The following PLCB4 variants were observed in gnomAD, a reference collection of about 807,000 sequenced individuals.
The protein encoded by PLCB4 is phospholipase C beta 4, also known as 1-phosphatidylinositol 4,5-bisphosphate phosphodiesterase beta-4.
A neutral mutation model predicts 178.8 loss-of-function variants in PLCB4; 77 were observed. The ratio of observed to expected loss-of-function variants is 0.43; its 90% CI spans 0.36 to 0.52. The LOEUF (loss-of-function observed/expected upper bound fraction) is 0.52. PLCB4 is among the 20% of genes least tolerant of loss of function. The probability of loss-of-function intolerance (pLI) is 0.00; values close to 1 mark genes in which losing one functional copy is unlikely to be tolerated. For synonymous variants in PLCB4, 496 were observed against 490.8 expected (o/e 1.01, Z -0.14); for missense variants, 1,024 against 1,453.4 (o/e 0.70, Z 4.80).
chr20:9,131,233 G>A (rs905005210), intron 2 of PLCB4, among the ~76,000 whole-genome samples: 6 of 152,076 alleles, frequency 3.9e-5, no homozygotes, highest in East Asian at 1.9e-4. Context: ...CTAACTGATC[G>A]ATCAATCTCT....
chr20:9,432,853 T>A (rs1159555618), intron 28 of PLCB4, among the ~76,000 whole-genome samples: 1 of 152,218 alleles, frequency 6.6e-6, no homozygotes, highest in Non-Finnish European at 1.5e-5. Context: ...AGGAGTCTTC[T>A]GAACATTGCA....
intron 3 of PLCB4, among the ~76,000 whole-genome samples, chr20:9,292,771 A>G (rs1433696663): frequency 2.0e-5 from 3 of 152,170 alleles, no homozygotes; most frequent in Admixed American, 6.5e-5. Context: ...AGGTATACAC[A>G]GAAATGGTAC....
intron 8 of PLCB4, 117 bp downstream of exon 8, chr20:9,363,092 C>T: frequency 4.0e-6 from 3 of 741,390 alleles, no homozygotes; most frequent in Non-Finnish European, 7.2e-6. Flanking sequence ...TCCCTCCATG[C>T]TCCTGACCTT....
At chr20:9,370,093 T>C (rs941366878) in intron 9 of PLCB4, among the ~76,000 whole-genome samples, 2 of 152,206 alleles carry the variant, frequency 1.3e-5, no homozygotes, top group Non-Finnish European at 2.9e-5. Context: ...TCAATAGCTT[T>C]CATTCTGAGT....
chr20:9,371,748 C>T (rs1361121143), intron 10 of PLCB4, among the ~76,000 whole-genome samples: 4 of 152,188 alleles, frequency 2.6e-5, no homozygotes, highest in African/African-American at 4.8e-5. Context: ...CTCCCCGCAC[C>T]ATTTGTATTC....
intron 7 of PLCB4, among the ~76,000 whole-genome samples, chr20:9,354,867 A>T (rs761007865): frequency 6.6e-6 from 1 of 152,214 alleles, no homozygotes; most frequent in Non-Finnish European, 1.5e-5. Flanking sequence ...GGTGATCCAA[A>T]TGCACATTAA....
intron 25 of PLCB4, among the ~76,000 whole-genome samples, chr20:9,414,688 C>T (rs539965493): frequency 6.6e-6 from 1 of 152,240 alleles, no homozygotes; most frequent in African/African-American, 2.4e-5. Context: ...TGTGGGAGGA[C>T]GCACCACTGG....
chr20:9,478,236 T>A (rs544059585), intron 39 of PLCB4, among the ~76,000 whole-genome samples: 1 of 152,216 alleles, frequency 6.6e-6, no homozygotes, highest in African/African-American at 2.4e-5. Context: ...TTAGTGACAA[T>A]CTGAACTCAT....
At chr20:9,139,490 T>G (rs762534226) in intron 2 of PLCB4, among the ~76,000 whole-genome samples, 1 of 152,082 alleles carries the variant, frequency 6.6e-6, no homozygotes, top group Non-Finnish European at 1.5e-5. Context: ...GTAGTTTCTT[T>G]CCATGTGGCT....
chr20:9,264,660 G>A (rs1046243111), intron 3 of PLCB4, among the ~76,000 whole-genome samples: 5 of 152,202 alleles, frequency 3.3e-5, no homozygotes, highest in African/African-American at 9.6e-5. Flanking sequence ...GTCTGGAAAT[G>A]TAATGTCCTT....
chr20:9,209,968 A>G (rs868669501), intron 2 of PLCB4, among the ~76,000 whole-genome samples: 327 of 150,334 alleles, frequency 2.2e-3, no homozygotes, highest in Non-Finnish European at 3.6e-3. Flanking sequence ...TGTCTCAAAA[A>G]AAAAAAAAAA....
intron 2 of PLCB4, among the ~76,000 whole-genome samples, chr20:9,204,187 C>T (rs1827865913): frequency 6.6e-6 from 1 of 151,902 alleles, no homozygotes; most frequent in Non-Finnish European, 1.5e-5. Flanking sequence ...GTCGTTGAGT[C>T]GTTGAGCCCA....
chr20:9,194,398 C>A (rs2093442776), intron 2 of PLCB4, among the ~76,000 whole-genome samples: 1 of 151,984 alleles, frequency 6.6e-6, no homozygotes, highest in South Asian at 2.1e-4. Context: ...TAAAATCAAC[C>A]TTTTTGGGCC....
intron 2 of PLCB4, among the ~76,000 whole-genome samples, chr20:9,160,191 G>C (rs946592982): frequency 6.6e-6 from 1 of 152,170 alleles, no homozygotes; most frequent in African/African-American, 2.4e-5. Flanking sequence ...GGAGTGTGGG[G>C]GGTGGGTCTC....
intron 36 of PLCB4, 145 bp downstream of exon 36, chr20:9,468,817 A>G (rs1000071617): frequency 5.4e-6 from 3 of 554,372 alleles, no homozygotes; most frequent in East Asian, 2.8e-5. Flanking sequence ...TATAACTGCA[A>G]TGGAGATTTG....
intron 25 of PLCB4, among the ~76,000 whole-genome samples, chr20:9,413,170 C>A (rs1318988792): frequency 6.6e-6 from 1 of 152,218 alleles, no homozygotes. Flanking sequence ...GCTGTGCTCA[C>A]TTCTGAAAAC....
rs767059441 is a variant in PLCB4, at chr20:9,338,016, G to A, written c.174G>A (p.Gln58=). Reference sequence around the variant, plus strand: ...GTATTCTCTCTCTTCAGGAAGGACAGGTGCTAGAATGCTCCCTCATCAACA... The same window carrying A: ...GTATTCTCTCTCTTCAGGAAGGACAAGTGCTAGAATGCTCCCTCATCAACA... ...LTWRSEGKEG[Q]VLECSLINSI... Residue 58 remains glutamine (Q), a synonymous_variant, in exon 6 of 40, where the codon CAG becomes CAA. Coordinates refer to ENST00000378473, the MANE Select transcript of PLCB4 (RefSeq NM_001377142.1). The A allele has an allele frequency of 6.2e-7, 1 of 1,610,634 alleles. No individual in the cohort carries two copies. The highest frequency in any genetic ancestry group is 2.2e-5 in the East Asian group (1 of 44,820).
chr20:9,325,981 G>A (rs944191026), intron 4 of PLCB4, among the ~76,000 whole-genome samples: 2 of 151,804 alleles, frequency 1.3e-5, no homozygotes, highest in African/African-American at 4.9e-5. Flanking sequence ...CCCATTTCCC[G>A]ATTCCAAGAT....
At chr20:9,448,848 T>C (rs915855763) in intron 32 of PLCB4, among the ~76,000 whole-genome samples, 14 of 152,116 alleles carry the variant, frequency 9.2e-5, no homozygotes, top group Admixed American at 7.2e-4. Context: ...ATTTCCAAAC[T>C]TGCAGGTTAG....
Sources: allele counts gnomAD v4.1 joint callset (sites outside exome capture counted in the v4.1 genomes callset), GRCh38; gene constraint gnomAD v4.1.1; transcripts MANE v1.5; gene names NCBI Gene and HGNC (gene_info 2026-07-23, HGNC 2026-07-21).